GPD1L: variants seen among roughly 807,000 people sequenced by gnomAD.
GPD1L encodes the protein glycerol-3-phosphate dehydrogenase 1-like protein.
In GPD1L, 17 loss-of-function variants were observed where a neutral mutation model predicts 32.9. The ratio of observed to expected loss-of-function variants is 0.52; its 90% CI spans 0.35 to 0.78. The LOEUF is 0.78. Ranked by LOEUF, GPD1L falls within the 30% of genes least tolerant of loss-of-function variation. The probability of loss-of-function intolerance (pLI) is 0.01; values close to 1 mark genes in which losing one functional copy is unlikely to be tolerated. For missense variants in GPD1L, 361 were observed against 447.8 expected (o/e 0.81, Z 1.75); for synonymous variants, 187 against 165.9 (o/e 1.13, Z -0.98).
chr3:32,139,415 C>T (rs950690129), intron 3 of GPD1L, among the ~76,000 whole-genome samples: 3 of 152,136 alleles, frequency 2.0e-5, no homozygotes, highest in African/African-American at 7.2e-5. Context: ...TTTCTAATTG[C>T]ATTAATAAAA....
At chr3:32,155,304 A>G (rs1343936687) in intron 5 of GPD1L, among the ~76,000 whole-genome samples, 5 of 152,132 alleles carry the variant, frequency 3.3e-5, no homozygotes, top group African/African-American at 9.7e-5. Flanking sequence ...AAATAGGAGG[A>G]TAGGTACATA....
chr3:32,162,698 G>T (rs1230984104), intron 7 of GPD1L, among the ~76,000 whole-genome samples: 1 of 152,100 alleles, frequency 6.6e-6, no homozygotes, highest in African/African-American at 2.4e-5. Context: ...AGATACTAGG[G>T]GTTAGGACCT....
At chr3:32,123,889 A>C (rs1242964651) in intron 1 of GPD1L, among the ~76,000 whole-genome samples, 1 of 152,024 alleles carries the variant, frequency 6.6e-6, no homozygotes, top group African/African-American at 2.4e-5. Context: ...AGTGTTACAG[A>C]AAGCAGCTGA....
At chr3:32,126,849 C>T (rs765852163) in intron 1 of GPD1L, among the ~76,000 whole-genome samples, 1 of 152,160 alleles carries the variant, frequency 6.6e-6, no homozygotes, top group Non-Finnish European at 1.5e-5. Flanking sequence ...GTGCCAGTTC[C>T]GTTGGCCTGG....
intron 1 of GPD1L, among the ~76,000 whole-genome samples, chr3:32,120,059 T>C (rs576820439): frequency 6.6e-6 from 1 of 152,134 alleles, no homozygotes; most frequent in African/African-American, 2.4e-5. Context: ...ACACAGTGGC[T>C]CACAACTGTA....
intron 1 of GPD1L, among the ~76,000 whole-genome samples, chr3:32,114,974 A>G (rs1354473872): frequency 2.0e-5 from 3 of 152,236 alleles, no homozygotes; most frequent in Non-Finnish European, 4.4e-5. Context: ...AAGGTAGTAC[A>G]GACCCAAAGA....
intron 1 of GPD1L, among the ~76,000 whole-genome samples, chr3:32,112,003 A>G (rs538201671): frequency 2.6e-5 from 4 of 152,328 alleles, no homozygotes; most frequent in African/African-American, 7.2e-5. Context: ...CCCTGAGGAC[A>G]GGCGCACGGA....
At chr3:32,130,164 CAT>C (rs1053285835) in intron 2 of GPD1L, among the ~76,000 whole-genome samples, 13 of 152,060 alleles carry the variant, frequency 8.5e-5, no homozygotes, top group African/African-American at 3.1e-4. Flanking sequence ...AAGGAATCGA[CAT>C]AGAGGAGTTG....
chr3:32,161,614 T>C (rs1359563482), intron 7 of GPD1L, among the ~76,000 whole-genome samples: 1 of 152,194 alleles, frequency 6.6e-6, no homozygotes, highest in Non-Finnish European at 1.5e-5. Context: ...ATTCTCTGGA[T>C]GGACAGGTTG....
chr3:32,146,083 C>CTTTT (rs59106750), intron 4 of GPD1L, among the ~76,000 whole-genome samples: 11 of 126,154 alleles, frequency 8.7e-5, no homozygotes, highest in Non-Finnish European at 1.5e-4. Flanking sequence ...ATGCTTTTTT[C>CTTTT]TTTTTTTTTT....
At chr3:32,150,914 A>AC (rs567030004) in intron 5 of GPD1L, among the ~76,000 whole-genome samples, 94 of 151,870 alleles carry the variant, frequency 6.2e-4, no homozygotes, top group African/African-American at 1.8e-3. Flanking sequence ...ACACAGTGAG[A>AC]CCCCCCGCAT....
At chr3:32,131,271 A>G (rs1700583773) in intron 2 of GPD1L, among the ~76,000 whole-genome samples, 1 of 152,180 alleles carries the variant, frequency 6.6e-6, no homozygotes, top group African/African-American at 2.4e-5. Flanking sequence ...TCACTGAGAT[A>G]TAATCCACAG....
intron 1 of GPD1L, among the ~76,000 whole-genome samples, chr3:32,109,098 C>G (rs997065193): frequency 6.6e-6 from 1 of 152,286 alleles, no homozygotes; most frequent in East Asian, 1.9e-4. Flanking sequence ...ATCCGCCTGC[C>G]TCTTCCTCCC....
At position 32,121,603 on chromosome 3, in the gene GPD1L, C is replaced by CTA. The variant is rs1465853673; in HGVS notation, c.48-6465_48-6464dup. Among the ~76,000 whole-genome samples, 71 of 114,014 alleles carry CTA rather than the reference C, an allele frequency of 6.2e-4. 3 individuals are homozygous for CTA. The highest frequency in any genetic ancestry group is 1.5e-3 in the East Asian group (6 of 3,886). 74.8% of individuals were successfully genotyped at this position (114,014 alleles called of 152,430 possible). A position where few individuals can be genotyped will look rare whatever the true frequency, so the allele number is the denominator to read the frequency against. ...TATATATATTTCTATATATATATTTCTATATATATTTCTATATATATTATA... is the reference window on the plus strand; with the variant it reads ...TATATATATTTCTATATATATATTTCTATATATATATTTCTATATATATTATA... On this transcript the variant is annotated intron_variant, in intron 1 of 7. Coordinates refer to ENST00000282541, the MANE Select transcript of GPD1L (RefSeq NM_015141.4).
chr3:32,141,243 G>A (rs531311479), intron 4 of GPD1L, among the ~76,000 whole-genome samples: 9 of 152,212 alleles, frequency 5.9e-5, no homozygotes, highest in South Asian at 2.1e-4. Flanking sequence ...CTGCCTATAC[G>A]TAGGACTTTT....
intron 2 of GPD1L, among the ~76,000 whole-genome samples, chr3:32,128,878 A>G (rs1448804497): frequency 6.6e-6 from 1 of 152,226 alleles, no homozygotes; most frequent in Non-Finnish European, 1.5e-5. Context: ...CAGCTAATAC[A>G]ATGGTCTGTA....
At chr3:32,145,096 A>G (rs919524083) in intron 4 of GPD1L, among the ~76,000 whole-genome samples, 1 of 149,632 alleles carries the variant, frequency 6.7e-6, no homozygotes, top group Non-Finnish European at 1.5e-5. Context: ...AGGCAGGTGG[A>G]TTGCTGGAGG....
Position 32,106,860 on chromosome 3 carries a change from C to T in GPD1L, c.47+102C>T, listed in dbSNP as rs1299199880. On this transcript the variant is annotated intron_variant, in intron 1 of 7. Transcript: ENST00000282541. The surrounding 1 kb of genome is among the most constrained non-coding windows in gnomAD (Gnocchi z 4.0). ...CATGCTGCGGCGTGGGCACCGGGCA[C>T]TGCGCGCAGGGAGGCGGGGTGGGCG... The T allele has an allele frequency of 1.7e-6, 2 of 1,155,328 alleles. No individual in the cohort carries two copies. 71.6% of individuals were successfully genotyped at this position (1,155,328 alleles called of 1,614,324 possible).
rs1700326825 is a variant in GPD1L at position 32,115,854 on chromosome 3, T to A, written c.47+9096T>A. Reference sequence around the variant, plus strand: ...CACAGGTTGGAGTGCAGTGGCACGATCTTGGCTCACTGCAACCTCCACCTC... The same window carrying A: ...CACAGGTTGGAGTGCAGTGGCACGAACTTGGCTCACTGCAACCTCCACCTC... On this transcript the variant is annotated intron_variant, in intron 1 of 7. Transcript: ENST00000282541. Among the ~76,000 whole-genome samples the A allele has an allele frequency of 2.4e-5, 3 of 125,364 alleles. No individual in the cohort carries two copies. The East Asian group carries it at 8.5e-4, about 35-fold the overall frequency. The allele number at this position is 125,364 out of a possible 152,430, so 82.2% of individuals were successfully genotyped here. A position where few individuals can be genotyped will look rare whatever the true frequency, so the allele number is the denominator to read the frequency against.
Sources: gnomAD v4.1 joint callset for allele counts (sites outside exome capture counted in the v4.1 genomes callset) on GRCh38, gnomAD v4.1.1 for gene constraint, Gnocchi (gnomAD v3.1) non-coding constraint, MANE v1.5 for transcripts, NCBI Gene and HGNC (gene_info 2026-07-23, HGNC 2026-07-21) for gene names.